Variants in COL11A1 observed in about 807,000 individuals in gnomAD.
COL11A1 encodes collagen alpha-1(XI) chain.
A neutral mutation model predicts 265.2 loss-of-function variants in COL11A1; 74 were observed. The ratio of observed to expected loss-of-function variants is 0.28; its 90% CI spans 0.23 to 0.34. The LOEUF (loss-of-function observed/expected upper bound fraction) is 0.34. Among genes scored for constraint, COL11A1 ranks in the 10% least tolerant of loss-of-function variants. The pLI is 1.00. For missense variants in COL11A1, 2,165 were observed against 2,263.6 expected (o/e 0.96, Z 0.88); for synonymous variants, 816 against 727.6 (o/e 1.12, Z -1.96).
chr1:102,889,412 T>A, intron 59 of COL11A1, 43 bp downstream of exon 59: 2 of 1,215,250 alleles, frequency 1.6e-6, no homozygotes, highest in Middle Eastern at 1.9e-4. Flanking sequence ...TGTGTGTGTA[T>A]TATTGGAAAT....
chr1:103,053,857 A>C (rs773077192), intron 4 of COL11A1, among the ~76,000 whole-genome samples: 1 of 152,258 alleles, frequency 6.6e-6, no homozygotes, highest in Non-Finnish European at 1.5e-5. Flanking sequence ...AAAAGATACT[A>C]TCATGTAAAT....
At chr1:103,079,189 A>T (rs1034917356) in intron 2 of COL11A1, among the ~76,000 whole-genome samples, 12 of 152,116 alleles carry the variant, frequency 7.9e-5, no homozygotes, top group Non-Finnish European at 1.0e-4. Context: ...TAAAACATTT[A>T]TTTAAGTGCT....
intron 2 of COL11A1, 27 bp from the exon 3 acceptor site, chr1:103,078,898 A>AAATTTCC (rs756100327): frequency 6.6e-7 from 1 of 1,523,502 alleles, no homozygotes; most frequent in African/African-American, 1.4e-5. Flanking sequence ...AAAGAGTTAG[A>AAATTTCC]AATTTCCAAT....
intron 4 of COL11A1, among the ~76,000 whole-genome samples, chr1:103,067,005 C>T (rs767543001): frequency 6.6e-6 from 1 of 151,490 alleles, no homozygotes; most frequent in African/African-American, 2.4e-5. Flanking sequence ...TGTGCACATG[C>T]CTGAGAATGC....
chr1:102,988,379 G>A (rs1250053738), intron 29 of COL11A1, among the ~76,000 whole-genome samples: 1 of 152,090 alleles, frequency 6.6e-6, no homozygotes, highest in East Asian at 1.9e-4. Flanking sequence ...GCTAATTTGA[G>A]TAATAATAAA....
intron 38 of COL11A1, among the ~76,000 whole-genome samples, 194 bp from the exon 39 acceptor site, chr1:102,962,954 C>T (rs1168784760): frequency 6.6e-6 from 1 of 152,120 alleles, no homozygotes; most frequent in African/African-American, 2.4e-5. Context: ...TTTATATAAT[C>T]TTGGTTAGAA....
chr1:102,930,736 T>A (rs1338871292), intron 46 of COL11A1, among the ~76,000 whole-genome samples: 5 of 152,070 alleles, frequency 3.3e-5, no homozygotes, highest in Admixed American at 3.3e-4. Flanking sequence ...CTCTTTTTGG[T>A]TGGTAAGCTA....
chr1:102,976,147 A>G (rs1296589842), intron 35 of COL11A1, among the ~76,000 whole-genome samples: 1 of 152,022 alleles, frequency 6.6e-6, no homozygotes, highest in African/African-American at 2.4e-5. Flanking sequence ...TTAAAATGTC[A>G]TGTTTTTGCT....
rs57013059 is a variant in COL11A1, at chr1:103,027,396, AATATATATATATATATATATATATATAT to A, written c.781-1092_781-1065del. Among the ~76,000 whole-genome samples, 59 of 92,096 alleles carry A rather than the reference AATATATATATATATATATATATATATAT, an allele frequency of 6.4e-4. 1 individual carries two copies. Among genetic ancestry groups the A allele is most frequent in the Non-Finnish European group, 8.5e-4 (41 of 48,276 alleles). The allele number at this position is 92,096 out of a possible 152,430, so 60.4% of individuals were successfully genotyped here. ...AGTAAACTCAACAAGTTAAAACTCT[AATATATATATATATATATATATATATAT>A]ATATATATATATATATATATGCATG... On this transcript the variant is annotated intron_variant, in intron 5 of 66. Coordinates refer to ENST00000370096, the MANE Select transcript of COL11A1 (RefSeq NM_001854.4).
At chr1:103,026,410 T>A in intron 5 of COL11A1, 78 bp from the exon 6 acceptor site, 5 of 898,150 alleles carry the variant, frequency 5.6e-6, no homozygotes, top group Non-Finnish European at 9.4e-6. Flanking sequence ...CCATCTTAAC[T>A]TTTACATAGT....
chr1:103,067,128 A>G (rs1168704257), intron 4 of COL11A1, among the ~76,000 whole-genome samples: 2 of 151,978 alleles, frequency 1.3e-5, no homozygotes, highest in East Asian at 3.9e-4. Context: ...CAAAAAAATA[A>G]GAAATATAAG....
intron 4 of COL11A1, among the ~76,000 whole-genome samples, chr1:103,047,247 T>C (rs1203038314): frequency 1.3e-5 from 2 of 152,202 alleles, no homozygotes; most frequent in African/African-American, 2.4e-5. Flanking sequence ...GAGCATGGAA[T>C]GTTCTTCCAT....
At chr1:103,074,907 T>A in intron 3 of COL11A1, 127 bp from the exon 4 acceptor site, 1 of 1,116,556 alleles carries the variant, frequency 9.0e-7, no homozygotes, top group South Asian at 1.3e-5. Flanking sequence ...AAATGTAGGC[T>A]CATTTATTAA....
At chr1:103,080,836 C>G (rs1288170422) in intron 2 of COL11A1, among the ~76,000 whole-genome samples, 1 of 151,824 alleles carries the variant, frequency 6.6e-6, no homozygotes, top group Non-Finnish European at 1.5e-5. Flanking sequence ...ATCAGTATGT[C>G]AAAGAGATAC....
At chr1:102,981,799 TA>T (rs749029806) in intron 31 of COL11A1, among the ~76,000 whole-genome samples, 3 of 151,980 alleles carry the variant, frequency 2.0e-5, no homozygotes, top group Non-Finnish European at 4.4e-5. Context: ...TATCCTACCT[TA>T]AAATAGATTT....
chr1:103,064,820 A>T (rs894316907), intron 4 of COL11A1, among the ~76,000 whole-genome samples: 1 of 151,500 alleles, frequency 6.6e-6, no homozygotes, highest in Non-Finnish European at 1.5e-5. Flanking sequence ...GGAAAAGTCA[A>T]AATTATAGAG....
Position 102,924,923 on chromosome 1 carries a change from G to A in COL11A1, c.3601-1534C>T, listed in dbSNP as rs535657949. 9.9e-5 allele frequency among the ~76,000 whole-genome samples: 15 copies of A among 151,800 alleles called. No homozygotes were observed. The East Asian group carries it at 1.9e-3, about 20-fold the overall frequency. ...CAGACAAATAGCAAACATAGTAATC[G>A]TTTCTAATATTGTAGGATTATGGAT... is the stretch of plus-strand genomic sequence containing the variant. On this transcript the variant is annotated intron_variant, in intron 46 of 66. Coordinates refer to ENST00000370096, the MANE Select transcript of COL11A1 (RefSeq NM_001854.4).
chr1:102,971,849 T>C (rs1662007805), intron 36 of COL11A1, among the ~76,000 whole-genome samples: 1 of 152,156 alleles, frequency 6.6e-6, no homozygotes, highest in South Asian at 2.1e-4. Context: ...CCAGGGCTAC[T>C]ACTGCCATCC....
Position 103,057,010 on chromosome 1 carries a change from A to G in COL11A1, c.651+17608T>C, listed in dbSNP as rs960461315. On this transcript the variant is annotated intron_variant, in intron 4 of 66. Transcript: ENST00000370096. The stretch of plus-strand genomic sequence containing the variant: ...TGCTGAGGTTTGAGGTTGCTGTATC[A>G]ATTTCTTAAAATAAGGCAATGATGA... Among the ~76,000 whole-genome samples, 6 of 152,262 alleles carry G rather than the reference A, an allele frequency of 3.9e-5. No homozygotes were observed. The East Asian group carries it at 1.2e-3, about 29-fold the overall frequency.
Sources: gnomAD v4.1 joint callset for allele counts (sites outside exome capture counted in the v4.1 genomes callset) on GRCh38, gnomAD v4.1.1 for gene constraint, MANE v1.5 for transcripts, NCBI Gene and HGNC (gene_info 2026-07-23, HGNC 2026-07-21) for gene names.